The following UNC79 variants were observed in gnomAD, a reference collection of about 807,000 sequenced individuals.
The protein encoded by UNC79 is unc-79 subunit of NALCN channel complex, also known as protein unc-79 homolog.
Under a neutral mutation model 283.1 loss-of-function variants are expected in UNC79, and 37 were observed. The ratio of observed to expected loss-of-function variants is 0.13; its 90% CI spans 0.10 to 0.17. UNC79 has a LOEUF of 0.17. Ranked by LOEUF, UNC79 falls within the 10% of genes least tolerant of loss-of-function variation. The pLI is 1.00. For synonymous variants in UNC79, 1,107 were observed against 1,200.2 expected (o/e 0.92, Z 1.61); for missense variants, 2,272 against 3,211.1 (o/e 0.71, Z 7.07).
chr14:93,538,717 G>A (rs1201220695), intron 12 of UNC79, among the ~76,000 whole-genome samples: 2 of 150,138 alleles, frequency 1.3e-5, no homozygotes, highest in African/African-American at 4.9e-5. Context: ...TTCCATGCTG[G>A]GATAAACCAC....
chr14:93,626,609 G>T (rs933558493), intron 30 of UNC79, among the ~76,000 whole-genome samples: 2 of 152,144 alleles, frequency 1.3e-5, no homozygotes, highest in Admixed American at 1.3e-4. Flanking sequence ...AGATAGAATA[G>T]AGTTGTCTCT....
chr14:93,570,318 G>A (rs1195826766), intron 14 of UNC79, among the ~76,000 whole-genome samples: 4 of 152,148 alleles, frequency 2.6e-5, no homozygotes, highest in Admixed American at 6.5e-5. Flanking sequence ...CCCTTAGGTC[G>A]GAGAGAAAAT....
At chr14:93,564,767 G>A (rs940655935) in intron 14 of UNC79, among the ~76,000 whole-genome samples, 1 of 137,824 alleles carries the variant, frequency 7.3e-6, no homozygotes, top group African/African-American at 2.4e-5. Flanking sequence ...GCTGGCAGGG[G>A]TGGGGGTCAC....
intron 30 of UNC79, among the ~76,000 whole-genome samples, chr14:93,626,575 C>A (rs1168398354): frequency 6.6e-6 from 1 of 152,164 alleles, no homozygotes; most frequent in African/African-American, 2.4e-5. Flanking sequence ...TTACTCCTTT[C>A]CTTGTAGCAA....
chr14:93,643,457 T>G (rs1406921378), intron 33 of UNC79, 100 bp from the exon 37 acceptor site: 1 of 1,578,860 alleles, frequency 6.3e-7, no homozygotes, highest in Non-Finnish European at 8.6e-7. Context: ...TTTTGGAGAC[T>G]TTTCCAAGAC....
chr14:93,404,324 A>C (rs2055170785), intron 1 of UNC79, among the ~76,000 whole-genome samples: 1 of 77,132 alleles, frequency 1.3e-5, no homozygotes, highest in Admixed American at 1.6e-4. Flanking sequence ...GTTTCTACAA[A>C]AATAAAAAAA....
intron 34 of UNC79, among the ~76,000 whole-genome samples, chr14:93,644,146 C>T (rs189240871): frequency 3.3e-5 from 5 of 152,266 alleles, no homozygotes; most frequent in Admixed American, 2.0e-4. Context: ...TGAGGAGACA[C>T]ATAGTAATTA....
chr14:93,578,513 A>G (rs921031350), intron 18 of UNC79, among the ~76,000 whole-genome samples: 5 of 152,206 alleles, frequency 3.3e-5, no homozygotes, highest in African/African-American at 1.2e-4. Flanking sequence ...TTTGCAGAAA[A>G]GTTACAAGAA....
At chr14:93,390,401 T>C (rs1269102774) in intron 1 of UNC79, among the ~76,000 whole-genome samples, 1 of 152,140 alleles carries the variant, frequency 6.6e-6, no homozygotes, top group Non-Finnish European at 1.5e-5. Flanking sequence ...ATCTTTGGAA[T>C]TGGAAAAAGG....
Position 93,662,732 on chromosome 14 carries a change from T to C in UNC79, c.6636+18T>C, listed in dbSNP as rs1229377873. The C allele has an allele frequency of 1.9e-6, 3 of 1,558,494 alleles. No individual in the cohort carries two copies. The highest frequency in any genetic ancestry group is 2.4e-5 in the South Asian group (2 of 85,028). On this transcript the variant is annotated intron_variant, in intron 40 of 48. Transcript: ENST00000555664. ...TCACTAAGGTAAGCAAGCTTCCATA[T>C]GTGTGTTCCTGTGAAACTGAAAACT...
At chr14:93,439,260 G>C (rs902400223) in intron 1 of UNC79, among the ~76,000 whole-genome samples, 1 of 152,024 alleles carries the variant, frequency 6.6e-6, no homozygotes, top group Non-Finnish European at 1.5e-5. Flanking sequence ...ATATAGCAGA[G>C]AGAGTGGGTG....
rs1404700041 is a variant in UNC79, at chr14:93,591,691, G to A, written c.3033-1989G>A. Among the ~76,000 whole-genome samples, 6 of 152,216 alleles carry A rather than the reference G, an allele frequency of 3.9e-5. No homozygotes were observed. In the East Asian group the frequency reaches 5.8e-4, roughly 15 times the overall value. ...AAGCAATTCAACTTTTCCTAGCAACGTCGTGACTTTTGTCTGCTTTCTGGG... is the reference window on the plus strand; with the variant it reads ...AAGCAATTCAACTTTTCCTAGCAACATCGTGACTTTTGTCTGCTTTCTGGG... On this transcript the variant is annotated intron_variant, in intron 22 of 48. Coordinates refer to ENST00000555664, the Ensembl canonical transcript of UNC79.
At position 93,451,503 on chromosome 14, in the gene UNC79, G is replaced by A. The variant is rs74381882; in HGVS notation, c.23-16168G>A. ...ATAGCCAGCAAATCCCCTTGGTTAGGTAGATTATCCTGGCTTTCCATTCTG... is the reference window on the plus strand; with the variant it reads ...ATAGCCAGCAAATCCCCTTGGTTAGATAGATTATCCTGGCTTTCCATTCTG... On this transcript the variant is annotated intron_variant, in intron 1 of 48. Coordinates refer to ENST00000555664, the Ensembl canonical transcript of UNC79. Among the ~76,000 whole-genome samples the A allele has an allele frequency of 4.9e-3, 743 of 152,314 alleles. 4 individuals carry two copies. The highest frequency in any genetic ancestry group is 0.034 in the Middle Eastern group (10 of 294).
chr14:93,522,816 C>T (rs909764682), intron 7 of UNC79, among the ~76,000 whole-genome samples: 1 of 151,942 alleles, frequency 6.6e-6, no homozygotes, highest in Non-Finnish European at 1.5e-5. Flanking sequence ...AAATGTCAGT[C>T]GTTCTGGTAA....
Position 93,474,809 on chromosome 14 carries a change from C to CA in UNC79, c.448+419dup, listed in dbSNP as rs1478796546. ...ACTGATTCGGTAATTTTTGAGGGAG[C>CA]AAATTCTCTAGGACCCATTTTTTCC... On this transcript the variant is annotated intron_variant, in intron 3 of 48. Transcript: ENST00000555664. The surrounding 1 kb of genome is among the most constrained non-coding windows in gnomAD (Gnocchi z 4.1). Among the ~76,000 whole-genome samples, 1 of 152,166 alleles carries CA rather than the reference C, an allele frequency of 6.6e-6. No homozygotes were observed. The highest frequency in any genetic ancestry group is 2.4e-5 in the African/African-American group (1 of 41,438).
intron 12 of UNC79, 100 bp from the exon 13 acceptor site, chr14:93,540,560 C>T: frequency 1.5e-6 from 2 of 1,327,266 alleles, no homozygotes; most frequent in South Asian, 2.8e-5. Flanking sequence ...AAGAGCAATC[C>T]AGGATGCTTG....
intron 38 of UNC79, among the ~76,000 whole-genome samples, chr14:93,658,751 T>C (rs1426865495): frequency 6.6e-6 from 1 of 152,136 alleles, no homozygotes; most frequent in East Asian, 1.9e-4. Flanking sequence ...ATCTAAGTAG[T>C]TTTTTTCCCT....
chr14:93,619,776 A>G (rs915823273), intron 29 of UNC79, among the ~76,000 whole-genome samples: 20 of 152,222 alleles, frequency 1.3e-4, no homozygotes, highest in African/African-American at 4.6e-4. Flanking sequence ...AACCTTGAAT[A>G]ATCATAATCG....
chr14:93,701,733 G>A (rs1288672861), intron 47 of UNC79, among the ~76,000 whole-genome samples: 8 of 152,202 alleles, frequency 5.3e-5, no homozygotes, highest in Admixed American at 5.2e-4. Flanking sequence ...CATCAATAAT[G>A]ATGAGCTTTA....
Sources: allele counts gnomAD v4.1 joint callset (sites outside exome capture counted in the v4.1 genomes callset), GRCh38; gene constraint gnomAD v4.1.1; non-coding constraint Gnocchi (gnomAD v3.1); transcripts MANE v1.5; gene names NCBI Gene and HGNC (gene_info 2026-07-23, HGNC 2026-07-21).